The following SEMA3E variants were observed in gnomAD, a reference collection of about 807,000 sequenced individuals.
SEMA3E encodes semaphorin 3E, also known as semaphorin-3E.
A neutral mutation model predicts 93.6 loss-of-function variants in SEMA3E; 49 were observed. That is an observed-to-expected ratio of 0.52 (90% CI 0.42 to 0.66). The LOEUF (loss-of-function observed/expected upper bound fraction) is 0.66. Ranked by LOEUF, SEMA3E falls within the 30% of genes least tolerant of loss-of-function variation. SEMA3E has a pLI of 0.00. For missense variants in SEMA3E, 906 were observed against 964.8 expected (o/e 0.94, Z 0.81); for synonymous variants, 363 against 330.7 (o/e 1.10, Z -1.06).
intron 16 of SEMA3E, among the ~76,000 whole-genome samples, chr7:83,373,247 CACAGGAAAAGG>C (rs1241291304): frequency 1.3e-5 from 2 of 151,994 alleles, no homozygotes; most frequent in African/African-American, 2.4e-5. Context: ...TCCATACTTT[CACAGGAAAAGG>C]ACAGACATAG....
intron 1 of SEMA3E, among the ~76,000 whole-genome samples, chr7:83,547,853 A>G (rs1322678430): frequency 6.6e-6 from 1 of 152,076 alleles, no homozygotes; most frequent in Non-Finnish European, 1.5e-5. Flanking sequence ...TTACTAAAGC[A>G]GACATATGAA....
intron 3 of SEMA3E, among the ~76,000 whole-genome samples, chr7:83,467,820 C>T (rs936655535): frequency 3.3e-5 from 5 of 152,118 alleles, no homozygotes; most frequent in Admixed American, 3.3e-4. Context: ...TTGAGCACAG[C>T]ACCTAATACA....
intron 1 of SEMA3E, among the ~76,000 whole-genome samples, chr7:83,520,340 A>G (rs1791018183): frequency 6.6e-6 from 1 of 152,096 alleles, no homozygotes. Flanking sequence ...CCTTCCAAGG[A>G]CCAAGGAAAG....
intron 16 of SEMA3E, chr7:83,371,906 G>A (rs759089383): frequency 3.4e-5 from 6 of 177,534 alleles, no homozygotes; most frequent in Middle Eastern, 2.1e-3. Flanking sequence ...GCTTCTTTTT[G>A]TAACACAATA....
chr7:83,397,532 T>C lies in SEMA3E; in HGVS notation c.1367-803A>G, dbSNP rs1468202818. Among the ~76,000 whole-genome samples the C allele has an allele frequency of 3.3e-5, 5 of 152,248 alleles. No individual in the cohort carries two copies. In the East Asian group the frequency reaches 9.7e-4, roughly 29 times the overall value. ...TTTTGGCAAGAAAAAAATCCAAGTATACACCATTGAGAGAAGTGTTTGTAC... is the reference window on the plus strand; with the variant it reads ...TTTTGGCAAGAAAAAAATCCAAGTACACACCATTGAGAGAAGTGTTTGTAC... On this transcript the variant is annotated intron_variant, in intron 11 of 16. Coordinates refer to ENST00000643230, the MANE Select transcript of SEMA3E (RefSeq NM_012431.3).
At chr7:83,394,473 T>C (rs957075290) in intron 12 of SEMA3E, 135 bp from the exon 13 acceptor site, 4 of 710,728 alleles carry the variant, frequency 5.6e-6, no homozygotes, top group African/African-American at 3.6e-5. Context: ...TTCATTTTAG[T>C]AAACCAATAT....
rs901836202 is a variant in SEMA3E, at chr7:83,365,157, G to T, written c.*2429C>A. 1 of 152,112 alleles carries T rather than the reference G, an allele frequency of 6.6e-6. No homozygotes were observed. The highest frequency in any genetic ancestry group is 1.5e-5 in the Non-Finnish European group (1 of 68,050). The allele number at this position is 152,112 out of a possible 1,614,324, so 9.4% of individuals were successfully genotyped here. On this transcript the variant is annotated 3_prime_UTR_variant, in exon 17 of 17. Coordinates refer to ENST00000643230, the MANE Select transcript of SEMA3E (RefSeq NM_012431.3). Reference sequence around the variant, plus strand: ...GTATGTGAGGGGTGTGTGTGTGTGTGTGTTGGGAGAGAGAGGGAGAAACTG... The same window carrying T: ...GTATGTGAGGGGTGTGTGTGTGTGTTTGTTGGGAGAGAGAGGGAGAAACTG...
intron 2 of SEMA3E, among the ~76,000 whole-genome samples, chr7:83,477,342 C>G (rs1790035949): frequency 6.6e-6 from 1 of 151,966 alleles, no homozygotes; most frequent in African/African-American, 2.4e-5. Context: ...GTATTTACAT[C>G]TATGTGTGGC....
At chr7:83,555,813 G>A (rs759005640) in intron 1 of SEMA3E, among the ~76,000 whole-genome samples, 13 of 151,836 alleles carry the variant, frequency 8.6e-5, no homozygotes, top group African/African-American at 2.2e-4. Context: ...ATTCATGCTC[G>A]GTAGCATGGG....
At chr7:83,539,327 C>T (rs1442157670) in intron 1 of SEMA3E, among the ~76,000 whole-genome samples, 1 of 152,156 alleles carries the variant, frequency 6.6e-6, no homozygotes, top group Admixed American at 6.6e-5. Flanking sequence ...TCTGCTTTAT[C>T]TTCTACAGTT....
At chr7:83,641,494 C>G (rs1371924031) in intron 1 of SEMA3E, 1 of 429,732 alleles carries the variant, frequency 2.3e-6, no homozygotes, top group Admixed American at 6.4e-5. Context: ...CAAAGCTGGG[C>G]CTACAATTAC....
At chr7:83,423,015 C>A (rs900615456) in intron 4 of SEMA3E, among the ~76,000 whole-genome samples, 1 of 152,060 alleles carries the variant, frequency 6.6e-6, no homozygotes, top group Non-Finnish European at 1.5e-5. Flanking sequence ...GAATTTTAGC[C>A]TGTGACTGTG....
rs1257485218 is a variant in SEMA3E, at chr7:83,366,721, C to T, written c.*865G>A. The T allele has an allele frequency of 1.3e-5, 2 of 151,998 alleles. No homozygotes were observed. The highest frequency in any genetic ancestry group is 2.9e-5 in the Non-Finnish European group (2 of 67,952). 9.4% of individuals were successfully genotyped at this position (151,998 alleles called of 1,614,324 possible). On this transcript the variant is annotated 3_prime_UTR_variant, in exon 17 of 17. Transcript: ENST00000643230. ...TTTCTGCAAATGAACTTGATGTATC[C>T]ATGTACCTACTGATAATCTGCTTTC... is the stretch of plus-strand genomic sequence containing the variant.
At chr7:83,507,475 A>T (rs1017961077) in intron 1 of SEMA3E, among the ~76,000 whole-genome samples, 32 of 115,076 alleles carry the variant, frequency 2.8e-4, no homozygotes, top group Admixed American at 7.3e-4. Flanking sequence ...TGTGTGTGTG[A>T]AAGGGAGAGA....
At chr7:83,620,588 A>G (rs1376003612) in intron 1 of SEMA3E, among the ~76,000 whole-genome samples, 1 of 152,170 alleles carries the variant, frequency 6.6e-6, no homozygotes, top group Non-Finnish European at 1.5e-5. Context: ...TATGGATACA[A>G]AAATCCTCAA....
At chr7:83,494,288 G>GA (rs796262066) in intron 1 of SEMA3E, among the ~76,000 whole-genome samples, 54 of 141,056 alleles carry the variant, frequency 3.8e-4, no homozygotes, top group Admixed American at 1.0e-3. Context: ...TGTAACACAA[G>GA]AAAAAAAAAA....
rs555640132 is a variant in SEMA3E, at chr7:83,450,259, A to G, written c.456+16223T>C. Among the ~76,000 whole-genome samples, 8 of 152,318 alleles carry G rather than the reference A, an allele frequency of 5.3e-5. No individual in the cohort carries two copies. In the South Asian group the frequency reaches 1.2e-3, roughly 24 times the overall value. ...GTATCCTCTATGGCACAGCAATTCC[A>G]CTACTAAAATATACTAACTAAAAAC... On this transcript the variant is annotated intron_variant, in intron 4 of 16. Transcript: ENST00000643230.
chr7:83,564,745 A>G (rs1792106534), intron 1 of SEMA3E, among the ~76,000 whole-genome samples: 1 of 152,182 alleles, frequency 6.6e-6, no homozygotes, highest in Non-Finnish European at 1.5e-5. Context: ...TGTTCAAAAT[A>G]TGTGTTCAGG....
Position 83,416,315 on chromosome 7 carries a change from C to T in SEMA3E, c.550+2075G>A, listed in dbSNP as rs558073622. Among the ~76,000 whole-genome samples the T allele has an allele frequency of 2.0e-5, 3 of 152,200 alleles. No individual in the cohort carries two copies. The East Asian group carries it at 5.8e-4, about 29-fold the overall frequency. ...GAAACAGCCACCCAGATGGCAAGCA[C>T]TTCAGATTTCAGCATAGTGTAATTT... On this transcript the variant is annotated intron_variant, in intron 5 of 16. Transcript: ENST00000643230.
Sources: allele counts gnomAD v4.1 joint callset (sites outside exome capture counted in the v4.1 genomes callset), GRCh38; gene constraint gnomAD v4.1.1; transcripts MANE v1.5; gene names NCBI Gene and HGNC (gene_info 2026-07-23, HGNC 2026-07-21).